GALNT14: variants seen among roughly 807,000 people sequenced by gnomAD.
The protein encoded by GALNT14 is polypeptide N-acetylgalactosaminyltransferase 14, also known as UDP-GalNAc:polypeptide N-acetylgalactosaminyltransferase 14.
A neutral mutation model predicts 77.5 loss-of-function variants in GALNT14; 60 were observed. That is an observed-to-expected ratio of 0.77 (90% CI 0.63 to 0.96). The LOEUF (loss-of-function observed/expected upper bound fraction) is 0.96. Ranked by LOEUF, GALNT14 falls within the 40% of genes least tolerant of loss-of-function variation. GALNT14 has a pLI of 0.00. For missense variants in GALNT14, 710 were observed against 731.0 expected (o/e 0.97, Z 0.33); for synonymous variants, 280 against 281.7 (o/e 0.99, Z 0.06).
chr2:30,924,775 G>A lies in GALNT14; in HGVS notation c.1200C>T (p.Phe400=). The A allele has an allele frequency of 6.2e-7, 1 of 1,614,134 alleles. No homozygotes were observed. Among genetic ancestry groups the A allele is most frequent in the South Asian group, 1.1e-5 (1 of 91,066 alleles). Residue 400 remains phenylalanine (F), a synonymous_variant, in exon 12 of 15, where the codon TTC becomes TTT. Coordinates refer to ENST00000349752, the MANE Select transcript of GALNT14 (RefSeq NM_024572.4). ...DLRKNLRCQS[F]KWYLENIYPE... ...GGTAGATATTCTCCAGGTACCACTT[G>A]AAGCTCTGGCAGCGCAGATTCTTCC...
intron 1 of GALNT14, among the ~76,000 whole-genome samples, chr2:31,038,085 T>TATATATATATATA (rs1491282655): frequency 1.3e-3 from 49 of 38,732 alleles, no homozygotes; most frequent in East Asian, 2.9e-3. Context: ...TATATATATA[T>TATATATATATATA]TTTTTTTTTT....
At chr2:31,084,884 G>A (rs564638921) in intron 1 of GALNT14, among the ~76,000 whole-genome samples, 1 of 152,110 alleles carries the variant, frequency 6.6e-6, no homozygotes, top group East Asian at 1.9e-4. Flanking sequence ...AATTAACCAG[G>A]CATGGTGGCA....
chr2:30,907,836 G>A (rs1664184511), downstream of GALNT14, among the ~76,000 whole-genome samples: 1 of 145,754 alleles, frequency 6.9e-6, no homozygotes, highest in South Asian at 2.3e-4. Flanking sequence ...AACGAATCCA[G>A]CAGCACATCA....
intron 2 of GALNT14, among the ~76,000 whole-genome samples, chr2:30,972,758 G>A (rs1235546208): frequency 6.6e-6 from 1 of 152,194 alleles, no homozygotes; most frequent in Non-Finnish European, 1.5e-5. Flanking sequence ...CGAAGAGGCG[G>A]TTTCTACTGA....
At chr2:30,928,905 A>G (rs892438200) in intron 11 of GALNT14, among the ~76,000 whole-genome samples, 2 of 152,074 alleles carry the variant, frequency 1.3e-5, no homozygotes, top group Non-Finnish European at 2.9e-5. Context: ...GTGAGCCACC[A>G]CGCCAAGCCT....
chr2:31,085,536 G>A (rs187908984), intron 1 of GALNT14, among the ~76,000 whole-genome samples: 12 of 152,320 alleles, frequency 7.9e-5, no homozygotes, highest in Admixed American at 6.5e-5. Flanking sequence ...AACCTGGCCT[G>A]GGCACTGATG....
the GALNT14 span, among the ~76,000 whole-genome samples, chr2:30,896,186 T>TAACA: frequency 8.5e-5 from 13 of 152,348 alleles, no homozygotes; most frequent in East Asian, 1.9e-3. Flanking sequence ...CTTCCCTACC[T>TAACA]AACAAATGAC....
At chr2:31,114,658 T>A in intron 1 of GALNT14, 1 of 662,202 alleles carries the variant, frequency 1.5e-6, no homozygotes, top group Non-Finnish European at 2.8e-6. Flanking sequence ...AAAACCCAGC[T>A]TGTGAATAAC....
intron 1 of GALNT14, among the ~76,000 whole-genome samples, chr2:31,120,221 TAAGTA>T (rs1323864664): frequency 2.0e-5 from 3 of 151,510 alleles, no homozygotes; most frequent in African/African-American, 7.3e-5. Context: ...AATATATACT[TAAGTA>T]AAGAGAAGAT....
At chr2:30,966,365 G>A in intron 2 of GALNT14, 63 bp from the exon 3 acceptor site, 1 of 1,252,150 alleles carries the variant, frequency 8.0e-7, no homozygotes, top group Non-Finnish European at 1.2e-6. Flanking sequence ...TGGAGGGCTA[G>A]AACCGAGGGC....
chr2:31,006,507 T>A (rs943236495), intron 1 of GALNT14, among the ~76,000 whole-genome samples: 3 of 152,096 alleles, frequency 2.0e-5, no homozygotes, highest in African/African-American at 7.2e-5. Context: ...TTGGCCAAGG[T>A]CACACAGCAA....
At chr2:30,931,518 C>T (rs1350053264) in intron 10 of GALNT14, among the ~76,000 whole-genome samples, 1 of 152,098 alleles carries the variant, frequency 6.6e-6, no homozygotes, top group East Asian at 1.9e-4. Flanking sequence ...AGAACCACCC[C>T]CCAGACAGGA....
At chr2:30,995,442 C>G (rs1271526485) in intron 1 of GALNT14, among the ~76,000 whole-genome samples, 1 of 152,130 alleles carries the variant, frequency 6.6e-6, no homozygotes, top group Non-Finnish European at 1.5e-5. Context: ...GCTCTACCAT[C>G]TAGGTTTGTG....
At chr2:30,967,683 TCAGA>T (rs1668096372) in intron 2 of GALNT14, among the ~76,000 whole-genome samples, 1 of 152,202 alleles carries the variant, frequency 6.6e-6, no homozygotes, top group Non-Finnish European at 1.5e-5. Context: ...CCATGGCCTC[TCAGA>T]CAGTCCTTTT....
Position 30,985,800 on chromosome 2 carries a change from A to G in GALNT14, c.299+7038T>C, listed in dbSNP as rs529155106. ...GAGAGCTTGTTTGCAAAAGCTAAGT[A>G]TCTGTGATGGGCTCCCCCTCCCCTC... On this transcript the variant is annotated intron_variant, in intron 2 of 14. Transcript: ENST00000349752. Among the ~76,000 whole-genome samples, 10 of 152,322 alleles carry G rather than the reference A, an allele frequency of 6.6e-5. No homozygotes were observed. In the East Asian group the frequency reaches 1.5e-3, roughly 24 times the overall value.
At chr2:31,103,902 T>TA (rs1677420027) in intron 1 of GALNT14, among the ~76,000 whole-genome samples, 1 of 152,196 alleles carries the variant, frequency 6.6e-6, no homozygotes, top group African/African-American at 2.4e-5. Flanking sequence ...CACCCTCTAC[T>TA]AATTTGTTCA....
intron 1 of GALNT14, among the ~76,000 whole-genome samples, chr2:31,013,728 T>C (rs1671178163): frequency 6.6e-6 from 1 of 152,208 alleles, no homozygotes; most frequent in South Asian, 2.1e-4. Context: ...TTTCTGTTAA[T>C]GCCATTTCTG....
At chr2:30,956,148 C>A (rs770133849) in intron 4 of GALNT14, among the ~76,000 whole-genome samples, 171 bp from the exon 5 acceptor site, 1 of 152,144 alleles carries the variant, frequency 6.6e-6, no homozygotes, top group Non-Finnish European at 1.5e-5. Context: ...GAGAGGCTGA[C>A]AGATCACTGC....
chr2:31,119,331 C>A (rs1678267969), intron 1 of GALNT14, among the ~76,000 whole-genome samples: 1 of 152,042 alleles, frequency 6.6e-6, no homozygotes, highest in African/African-American at 2.4e-5. Context: ...AAAGAACTAT[C>A]AATAACATGC....
Sources: allele counts gnomAD v4.1 joint callset (sites outside exome capture counted in the v4.1 genomes callset), GRCh38; gene constraint gnomAD v4.1.1; transcripts MANE v1.5; gene names NCBI Gene and HGNC (gene_info 2026-07-23, HGNC 2026-07-21).